The following SCAP variants were observed in gnomAD, a reference collection of about 807,000 sequenced individuals.
The protein encoded by SCAP is SREBF chaperone.
SCAP carries 65 observed loss-of-function variants against 123.6 expected under a neutral mutation model. That is an observed-to-expected ratio of 0.53 (90% CI 0.43 to 0.65). SCAP has a LOEUF of 0.65. SCAP is among the 30% of genes least tolerant of loss of function. The pLI, the probability that SCAP is intolerant of heterozygous loss-of-function variation, is 0.00. For missense variants in SCAP, 1,398 were observed against 1,712.5 expected, an observed-to-expected ratio of 0.82 and a Z score of 3.24; for synonymous variants, 740 against 726.3, an observed-to-expected ratio of 1.02 and a Z score of -0.30.
rs1707968694 is a variant in SCAP at position 47,469,913 on chromosome 3, C to T, written c.-99+5886G>A. The T allele has an allele frequency of 1.0e-5, 5 of 478,196 alleles. 1 individual carries two copies. Among genetic ancestry groups the T allele is most frequent in the South Asian group, 6.8e-5 (4 of 58,550 alleles). The allele number at this position is 478,196 out of a possible 1,614,324, so 29.6% of individuals were successfully genotyped here. On this transcript the variant is annotated intron_variant, in intron 1 of 22. Coordinates refer to ENST00000265565, the MANE Select transcript of SCAP (RefSeq NM_012235.4). ...AGCCACAGATTCACTGAATCCTTGACCTCTTAGTTCACTGCCACAGCTCTA... is the reference window on the plus strand; with the variant it reads ...AGCCACAGATTCACTGAATCCTTGATCTCTTAGTTCACTGCCACAGCTCTA...
rs561141890 is a variant in SCAP at position 47,424,695 on chromosome 3, G to A, written c.1038-650C>T. 1.3e-3 allele frequency among the ~76,000 whole-genome samples: 203 copies of A among 152,356 alleles called. 5 individuals carry two copies. In the South Asian group the frequency reaches 0.041, roughly 31 times the overall value. The stretch of plus-strand genomic sequence containing the variant: ...GAAGGGTATGGCAGACGGTATGGGG[G>A]AGGGTGGTGTTTAACAGTGTCAAGC... On this transcript the variant is annotated intron_variant, in intron 8 of 22. Transcript: ENST00000265565.
chr3:47,417,109 A>G lies in SCAP; in HGVS notation c.3056+13T>C. 1 of 1,612,160 alleles carries G rather than the reference A, an allele frequency of 6.2e-7. No homozygotes were observed. Among genetic ancestry groups the G allele is most frequent in the Non-Finnish European group, 8.5e-7 (1 of 1,179,282 alleles). ...GGCTGGGGACATCTGGGGCTGAGGC[A>G]GGCCACGCTCACCTTTTGTCCAAGA... On this transcript the variant is annotated intron_variant, in intron 18 of 22. Coordinates refer to ENST00000265565, the MANE Select transcript of SCAP (RefSeq NM_012235.4).
At chr3:47,434,359 T>C (rs1706484928) in intron 3 of SCAP, among the ~76,000 whole-genome samples, 2 of 152,202 alleles carry the variant, frequency 1.3e-5, no homozygotes, top group African/African-American at 4.8e-5. Context: ...ACAGATGAGC[T>C]AGTCAAGCTT....
intron 1 of SCAP, among the ~76,000 whole-genome samples, chr3:47,446,867 C>A (rs1225146917): frequency 6.6e-6 from 1 of 151,922 alleles, no homozygotes; most frequent in Non-Finnish European, 1.5e-5. Context: ...TCACTTGAGC[C>A]AAAGAGTTTG....
Position 47,449,435 on chromosome 3 carries a change from C to A in SCAP, c.-98-6344G>T. ...AAAGGAAAGAACAAAATCAAGGATT[C>A]CCTCCATGCTCCTGGGACCACAGTC... On this transcript the variant is annotated intron_variant, in intron 1 of 22. Coordinates refer to ENST00000265565, the MANE Select transcript of SCAP (RefSeq NM_012235.4). Among the ~76,000 whole-genome samples, 2 of 124,636 alleles carry A rather than the reference C, an allele frequency of 1.6e-5. 1 individual carries two copies. Among genetic ancestry groups the A allele is most frequent in the African/African-American group, 5.5e-5 (2 of 36,326 alleles). The allele number at this position is 124,636 out of a possible 152,430, so 81.8% of individuals were successfully genotyped here.
At position 47,425,355 on chromosome 3, in the gene SCAP, T is replaced by C; in HGVS notation, c.1037+130A>G. ...AAGAAGAGGAAGAAAATGTACCTCT[T>C]AAATGTCAAAAACAACAATGTGAAG... On this transcript the variant is annotated intron_variant, in intron 8 of 22. Transcript: ENST00000265565. The C allele has an allele frequency of 5.0e-6, 5 of 1,009,460 alleles. No individual in the cohort carries two copies. The South Asian group carries it at 8.8e-5, about 18-fold the overall frequency. The allele number at this position is 1,009,460 out of a possible 1,614,324, so 62.5% of individuals were successfully genotyped here.
Position 47,413,914 on chromosome 3 carries a change from G to GCAGA in SCAP, c.3776_3779dup (p.Asn1261LeufsTer6). 6.2e-7 allele frequency: 1 copy of GCAGA among 1,613,250 alleles called. No homozygotes were observed. The highest frequency in any genetic ancestry group is 1.3e-5 in the African/African-American group (1 of 75,036). ...CCAGGCTGAGCTCACTGCCAAAGTTGCAGACAATGGCAGCGTTGTCCAGCA... is the reference window on the plus strand; with the variant it reads ...CCAGGCTGAGCTCACTGCCAAAGTTGCAGACAGACAATGGCAGCGTTGTCCAGCA... On this transcript the variant is annotated frameshift_variant, in exon 23 of 23. Coordinates refer to ENST00000265565, the MANE Select transcript of SCAP (RefSeq NM_012235.4). LOFTEE classifies it high-confidence loss of function.
In SCAP at chr3:47,439,621, C is replaced by T. The variant is rs556984508; in HGVS notation, c.122+3251G>A. 3.0e-4 allele frequency among the ~76,000 whole-genome samples: 46 copies of T among 152,294 alleles called. No homozygotes were observed. The South Asian group carries it at 9.3e-3, about 31-fold the overall frequency. On this transcript the variant is annotated intron_variant, in intron 2 of 22. Coordinates refer to ENST00000265565, the MANE Select transcript of SCAP (RefSeq NM_012235.4). This position sits in a 1 kb window ranked among gnomAD's most constrained non-coding sequence, Gnocchi z 4.0. ...CCAGGGCAGGTTCAGATTAACAGTA[C>T]CCTCTGTCTTGCTGGGCTGCTGCTG...
At chr3:47,465,234 A>G (rs1229078944) in intron 1 of SCAP, among the ~76,000 whole-genome samples, 1 of 151,340 alleles carries the variant, frequency 6.6e-6, no homozygotes, top group African/African-American at 2.4e-5. Context: ...GCAGTGGCAC[A>G]ATCTCGGTTC....
chr3:47,447,601 T>C (rs543837785), intron 1 of SCAP, among the ~76,000 whole-genome samples: 83 of 151,552 alleles, frequency 5.5e-4, no homozygotes, highest in Non-Finnish European at 1.0e-3. Flanking sequence ...GACAGGAGAA[T>C]TGCTTAAACC....
At chr3:47,422,337 A>G in intron 10 of SCAP, 105 bp downstream of exon 10, 1 of 943,586 alleles carries the variant, frequency 1.1e-6, no homozygotes, top group Non-Finnish European at 1.6e-6. Context: ...CTCAGAAGCA[A>G]GGATGCCTGT....
At chr3:47,475,466 A>C (rs1174743255) in intron 1 of SCAP, 1 of 152,302 alleles carries the variant, frequency 6.6e-6, no homozygotes, top group African/African-American at 2.4e-5. Flanking sequence ...GCACCAAAGC[A>C]GGTTCTACAA....
intron 1 of SCAP, among the ~76,000 whole-genome samples, chr3:47,468,327 G>A (rs1347874682): frequency 6.6e-6 from 1 of 150,762 alleles, no homozygotes; most frequent in African/African-American, 2.4e-5. Context: ...CTAGTTTACA[G>A]TCCCACCAAC....
In SCAP at chr3:47,439,110, T is replaced by C. The variant is rs1172007523; in HGVS notation, c.122+3762A>G. Among the ~76,000 whole-genome samples the C allele has an allele frequency of 2.6e-5, 4 of 151,996 alleles. No individual in the cohort carries two copies. The highest frequency in any genetic ancestry group is 6.6e-5 in the Admixed American group (1 of 15,256). On this transcript the variant is annotated intron_variant, in intron 2 of 22. Coordinates refer to ENST00000265565, the MANE Select transcript of SCAP (RefSeq NM_012235.4). This position sits in a 1 kb window ranked among gnomAD's most constrained non-coding sequence, Gnocchi z 4.0. ...TGTCGTAAATTGAAAATATCCTAAG[T>C]CAAAAATGCATGACTAGGCTGAGCA...
At chr3:47,417,878 G>C in intron 16 of SCAP, 52 bp from the exon 17 acceptor site, 1 of 387,440 alleles carries the variant, frequency 2.6e-6, no homozygotes, top group Admixed American at 5.5e-5. Flanking sequence ...GGGGGTGAGA[G>C]GGGGCGGGGG....
chr3:47,419,646 T>A lies in SCAP; in HGVS notation c.1622A>T (p.Asn541Ile). 3 of 1,566,988 alleles carry A rather than the reference T, an allele frequency of 1.9e-6. No homozygotes were observed. Among genetic ancestry groups the A allele is most frequent in the Non-Finnish European group, 2.6e-6 (3 of 1,155,404 alleles). Residue 541 changes from asparagine (N) to isoleucine (I), a missense_variant, in exon 13 of 23, where the codon AAC becomes ATC. Transcript: ENST00000265565. The surrounding 1 kb of genome is among the most constrained non-coding windows in gnomAD (Gnocchi z 5.0). ...LVYTDPAGLR[N>I]YLAAQVTEQS... ...TTCCGTCACCTGGGCAGCGAGGTAG[T>A]TGCGCAGCCCTGCTGGGTCTGTGTA... is the stretch of plus-strand genomic sequence containing the variant.
chr3:47,425,334 A>G (rs1233054806), intron 8 of SCAP, 151 bp downstream of exon 8: 5 of 805,036 alleles, frequency 6.2e-6, no homozygotes, highest in Non-Finnish European at 9.5e-6. Context: ...CAGACAAAGA[A>G]GAGGAAGAAA....
Position 47,418,685 on chromosome 3 carries a change from A to G in SCAP, c.2099T>C (p.Val700Ala), listed in dbSNP as rs766835027. 49 of 1,463,556 alleles carry G rather than the reference A, an allele frequency of 3.3e-5. No homozygotes were observed. In the South Asian group the frequency reaches 5.3e-4, roughly 16 times the overall value. 90.7% of individuals were successfully genotyped at this position (1,463,556 alleles called of 1,614,324 possible). A position where few individuals can be genotyped will look rare whatever the true frequency, so the allele number is the denominator to read the frequency against. Residue 700 changes from valine to alanine, a missense_variant, in exon 14 of 23, where the codon GTG becomes GCG. Coordinates refer to ENST00000265565, the MANE Select transcript of SCAP (RefSeq NM_012235.4). ...CAGCGTGACGTCTCCATGGGCCTGC[A>G]CCCCACCTGGGCCCTTGGGTCCTGC... Reference protein sequence around the residue: ...WEAGPKGPGGVQAHGDVTLYK... With the variant: ...WEAGPKGPGGAQAHGDVTLYK...
chr3:47,428,927 G>A, intron 3 of SCAP: 2 of 402,034 alleles, frequency 5.0e-6, no homozygotes, highest in Non-Finnish European at 9.0e-6. Context: ...GACTGGAGTT[G>A]TGCAGAATGA....
Sources: gnomAD v4.1 joint callset for allele counts (sites outside exome capture counted in the v4.1 genomes callset) on GRCh38, gnomAD v4.1.1 for gene constraint, Gnocchi (gnomAD v3.1) non-coding constraint, MANE v1.5 for transcripts, NCBI Gene and HGNC (gene_info 2026-07-23, HGNC 2026-07-21) for gene names.